The following KDM3A variants were observed in gnomAD, a reference collection of about 807,000 sequenced individuals.
KDM3A encodes lysine demethylase 3A.
A neutral mutation model predicts 158.0 loss-of-function variants in KDM3A; 60 were observed. That is an observed-to-expected ratio of 0.38 (90% CI 0.31 to 0.47). The LOEUF (loss-of-function observed/expected upper bound fraction) is 0.47. Among genes scored for constraint, KDM3A ranks in the 20% least tolerant of loss-of-function variants. The pLI is 0.99. For missense variants in KDM3A, 1,319 were observed against 1,574.3 expected, an observed-to-expected ratio of 0.84 and a Z score of 2.74; for synonymous variants, 608 against 549.3, an observed-to-expected ratio of 1.11 and a Z score of -1.49.
intron 21 of KDM3A, chr2:86,487,974 A>C (rs566997628): frequency 5.3e-5 from 8 of 152,016 alleles, no homozygotes; most frequent in African/African-American, 1.9e-4. Flanking sequence ...TCCTTTCCTT[A>C]CTTTTCTTGC....
intron 4 of KDM3A, among the ~76,000 whole-genome samples, chr2:86,452,690 G>A (rs1672520473): frequency 6.6e-6 from 1 of 152,132 alleles, no homozygotes; most frequent in South Asian, 2.1e-4. Flanking sequence ...ATAGAACTAT[G>A]AAACCTATTT....
chr2:86,474,253 T>G (rs1673547045), intron 11 of KDM3A, among the ~76,000 whole-genome samples: 1 of 152,212 alleles, frequency 6.6e-6, no homozygotes, highest in Admixed American at 6.5e-5. Flanking sequence ...GTCTAGCTTG[T>G]CTTTTGGGGA....
chr2:86,456,013 G>T (rs1371900783), intron 5 of KDM3A, among the ~76,000 whole-genome samples: 1 of 150,542 alleles, frequency 6.6e-6, no homozygotes, highest in Admixed American at 6.6e-5. Flanking sequence ...GCTATATTTT[G>T]ATGTGGAATT....
chr2:86,483,810 G>A (rs564600234), intron 18 of KDM3A, 177 bp from the exon 19 acceptor site: 18 of 539,396 alleles, frequency 3.3e-5, no homozygotes, highest in African/African-American at 3.3e-4. Context: ...GATGAATGGT[G>A]AAGGTTGGAG....
chr2:86,441,948 TC>T, intron 1 of KDM3A, 69 bp from the exon 2 acceptor site: 1 of 710,694 alleles, frequency 1.4e-6, no homozygotes, highest in Non-Finnish European at 2.3e-6. Flanking sequence ...CCGCCCGCCC[TC>T]CCTGCTGTCT....
chr2:86,470,901 A>G (rs770392988), intron 11 of KDM3A, among the ~76,000 whole-genome samples: 1 of 152,152 alleles, frequency 6.6e-6, no homozygotes, highest in African/African-American at 2.4e-5. Context: ...TATTTCACCA[A>G]TTCCCTTGTT....
At chr2:86,465,515 C>T (rs1363815253) in intron 9 of KDM3A, among the ~76,000 whole-genome samples, 1 of 152,056 alleles carries the variant, frequency 6.6e-6, no homozygotes. Context: ...TCAATTGATC[C>T]TCTTGCCTTA....
chr2:86,449,917 A>G lies in KDM3A; in HGVS notation c.297A>G (p.Arg99=), dbSNP rs758498958. Residue 99 remains arginine, a synonymous_variant, in exon 3 of 26, where the codon CGA becomes CGG. Coordinates refer to ENST00000312912, the MANE Select transcript of KDM3A (RefSeq NM_018433.6). ...LVEHNLVLAE[R]KSPEISERIV... Reference sequence around the variant, plus strand: ...AACATAATTTGGTTTTAGCTGAACGAAAGTCACCTGAAATTTCTGAACGAA... The same window carrying G: ...AACATAATTTGGTTTTAGCTGAACGGAAGTCACCTGAAATTTCTGAACGAA... 8 of 1,613,806 alleles carry G rather than the reference A, an allele frequency of 5.0e-6. No individual in the cohort carries two copies. Among genetic ancestry groups the G allele is most frequent in the Non-Finnish European group, 5.9e-6 (7 of 1,179,852 alleles).
Position 86,486,067 on chromosome 2 carries a change from T to G in KDM3A, c.3313+208T>G, listed in dbSNP as rs180746743. The stretch of plus-strand genomic sequence containing the variant: ...GTTGCAGTTGTAGGGCATATGCAAT[T>G]TTGTGTTTTTCCCTTTACTGTACCT... On this transcript the variant is annotated intron_variant, in intron 21 of 25. Coordinates refer to ENST00000312912, the MANE Select transcript of KDM3A (RefSeq NM_018433.6). Among the ~76,000 whole-genome samples the G allele has an allele frequency of 2.0e-3, 298 of 152,290 alleles. 1 individual carries two copies. The highest frequency in any genetic ancestry group is 6.6e-3 in the African/African-American group (273 of 41,558).
At chr2:86,468,973 T>A (rs1471556129) in intron 10 of KDM3A, among the ~76,000 whole-genome samples, 1 of 152,212 alleles carries the variant, frequency 6.6e-6, no homozygotes, top group East Asian at 1.9e-4. Flanking sequence ...TTGCCTGTGA[T>A]CTGTGGAAGC....
chr2:86,442,329 C>G, intron 2 of KDM3A, 96 bp downstream of exon 2: 1 of 1,192,936 alleles, frequency 8.4e-7, no homozygotes, highest in Non-Finnish European at 1.2e-6. Context: ...AAAACGGAGA[C>G]CAGAAAGTTG....
At chr2:86,482,271 G>A (rs1673967470) in intron 17 of KDM3A, among the ~76,000 whole-genome samples, 169 bp downstream of exon 17, 1 of 152,178 alleles carries the variant, frequency 6.6e-6, no homozygotes, top group Non-Finnish European at 1.5e-5. Context: ...ATAGTTCTGA[G>A]CTGGGCCACT....
intron 18 of KDM3A, chr2:86,483,490 T>C (rs926308944): frequency 6.6e-6 from 1 of 152,590 alleles, no homozygotes; most frequent in African/African-American, 2.4e-5. Context: ...TGTCAATATT[T>C]TAATGTTAGA....
chr2:86,463,166 A>G (rs1292133385), intron 8 of KDM3A, among the ~76,000 whole-genome samples: 1 of 152,188 alleles, frequency 6.6e-6, no homozygotes, highest in Non-Finnish European at 1.5e-5. Flanking sequence ...TAGAAGATGA[A>G]GAAACTTTGG....
At position 86,466,684 on chromosome 2, in the gene KDM3A, A is replaced by G; in HGVS notation, c.1320A>G (p.Leu440=). ...IANPPELQKH[L]EHAPSPSDVS... ...ATCCTCCTGAACTGCAGAAGCACCT[A>G]GAACATGCACCTTCCCCATCGGATG... The change falls in exon 10 of 26, where the codon CTA becomes CTG. Residue 440 remains leucine (L), a synonymous_variant. Coordinates refer to ENST00000312912, the MANE Select transcript of KDM3A (RefSeq NM_018433.6). The G allele has an allele frequency of 6.2e-7, 1 of 1,613,946 alleles. No homozygotes were observed. Among genetic ancestry groups the G allele is most frequent in the South Asian group, 1.1e-5 (1 of 91,082 alleles).
In KDM3A at chr2:86,480,307, T is replaced by A. The variant is rs184960310; in HGVS notation, c.2457T>A (p.Ser819=). The change falls in exon 16 of 26, where the codon TCT becomes TCA. Residue 819 remains serine (S), a synonymous_variant. Coordinates refer to ENST00000312912, the MANE Select transcript of KDM3A (RefSeq NM_018433.6). ...SMKPACPAST[S]PLNWLADLTS... ...AGCCTGCCTGTCCAGCCAGCACATC[T>A]CCTCTAAACTGGCTGGCCGACCTAA... The A allele has an allele frequency of 6.2e-7, 1 of 1,613,980 alleles. No homozygotes were observed.
chr2:86,446,217 A>G (rs1443191361), intron 2 of KDM3A, among the ~76,000 whole-genome samples: 1 of 152,222 alleles, frequency 6.6e-6, no homozygotes, highest in Admixed American at 6.5e-5. Flanking sequence ...TACCCATTAA[A>G]AGAAGAGCAG....
intron 4 of KDM3A, 106 bp downstream of exon 4, chr2:86,451,319 C>T (rs1672459012): frequency 7.7e-6 from 5 of 653,206 alleles, no homozygotes; most frequent in Admixed American, 3.4e-5. Flanking sequence ...ATTATGGATG[C>T]CTACTCCTTG....
intron 20 of KDM3A, 66 bp downstream of exon 20, chr2:86,485,095 G>A (rs984072489): frequency 4.3e-6 from 4 of 925,374 alleles, no homozygotes; most frequent in Non-Finnish European, 3.4e-6. Flanking sequence ...TCTTTTTTGA[G>A]GTAGTGAGAA....
Sources: allele counts gnomAD v4.1 joint callset (sites outside exome capture counted in the v4.1 genomes callset), GRCh38; gene constraint gnomAD v4.1.1; transcripts MANE v1.5; gene names NCBI Gene and HGNC (gene_info 2026-07-23, HGNC 2026-07-21).